The following KCNJ15 variants were observed in gnomAD, a reference collection of about 807,000 sequenced individuals.
The protein encoded by KCNJ15 is potassium inwardly rectifying channel subfamily J member 15.
Under a neutral mutation model 23.0 loss-of-function variants are expected in KCNJ15, and 14 were observed. The ratio of observed to expected loss-of-function variants is 0.61; its 90% CI spans 0.40 to 0.95. KCNJ15 has a LOEUF of 0.95. Among genes scored for constraint, KCNJ15 ranks in the 40% least tolerant of loss-of-function variants. The pLI is 0.00. For missense variants in KCNJ15, 388 were observed against 461.8 expected (o/e 0.84, Z 1.46); for synonymous variants, 185 against 183.2 (o/e 1.01, Z -0.08).
chr21:38,261,677 A>T (rs1257252047), intron 1 of KCNJ15, among the ~76,000 whole-genome samples: 2 of 152,212 alleles, frequency 1.3e-5, no homozygotes, highest in African/African-American at 4.8e-5. Context: ...CAAGGGTAAG[A>T]TGCTATCAAA....
At chr21:38,238,474 G>A (rs775621863) in intron 1 of KCNJ15, 2 of 657,068 alleles carry the variant, frequency 3.0e-6, no homozygotes, top group Non-Finnish European at 5.8e-6. Context: ...TCCACAGATG[G>A]TGATCTGCCT....
intron 1 of KCNJ15, among the ~76,000 whole-genome samples, chr21:38,278,700 G>A (rs1160526595): frequency 1.3e-5 from 2 of 152,188 alleles, no homozygotes. Context: ...GCCAAGACAG[G>A]AGGTGGGCTT....
At chr21:38,236,684 G>T (rs544493427) in intron 1 of KCNJ15, among the ~76,000 whole-genome samples, 1 of 152,064 alleles carries the variant, frequency 6.6e-6, no homozygotes, top group Non-Finnish European at 1.5e-5. Context: ...TTCCCCTAAC[G>T]TTTCACCCAA....
At chr21:38,238,425 G>A (rs1978765331) in intron 1 of KCNJ15, 3 of 680,564 alleles carry the variant, frequency 4.4e-6, no homozygotes, top group Middle Eastern at 3.1e-4. Context: ...CAGGGTGGAC[G>A]CACTGCACCA....
chr21:38,283,955 G>T (rs373773000), intron 1 of KCNJ15, among the ~76,000 whole-genome samples: 10 of 152,174 alleles, frequency 6.6e-5, no homozygotes, highest in African/African-American at 1.9e-4. Context: ...GGCTCAGTCT[G>T]GGTTGCTGCT....
chr21:38,274,152 G>A lies in KCNJ15; in HGVS notation c.-117+16967G>A, dbSNP rs115767945. Among the ~76,000 whole-genome samples the A allele has an allele frequency of 6.8e-3, 1,043 of 152,288 alleles. 8 individuals are homozygous for A. Among genetic ancestry groups the A allele is most frequent in the African/African-American group, 0.022 (923 of 41,558 alleles). ...TGCAGCAGTGCTTGCAGGCTGTTCC[G>A]CCTGGGCAAAGTCATGTTAGGTGTA... On this transcript the variant is annotated intron_variant, in intron 1 of 2. Transcript: ENST00000398938.
intron 1 of KCNJ15, among the ~76,000 whole-genome samples, chr21:38,247,166 G>C (rs532047821): frequency 1.7e-5 from 2 of 120,796 alleles, no homozygotes; most frequent in Non-Finnish European, 3.4e-5. Context: ...GGATGTATAG[G>C]TATATGGATG....
intron 1 of KCNJ15, among the ~76,000 whole-genome samples, chr21:38,242,905 C>T (rs75911043): frequency 3.9e-5 from 6 of 152,170 alleles, no homozygotes; most frequent in Non-Finnish European, 8.8e-5. Context: ...GGAAGGGTGC[C>T]GGGCCCACTG....
At chr21:38,275,003 T>C (rs1469579932) in intron 1 of KCNJ15, among the ~76,000 whole-genome samples, 2 of 152,172 alleles carry the variant, frequency 1.3e-5, no homozygotes, top group Admixed American at 6.5e-5. Flanking sequence ...ATGGACATGC[T>C]TGGAGCCAAC....
chr21:38,275,184 T>C (rs1312978056), intron 1 of KCNJ15, among the ~76,000 whole-genome samples: 1 of 152,192 alleles, frequency 6.6e-6, no homozygotes, highest in Non-Finnish European at 1.5e-5. Context: ...TGAATTCATG[T>C]ATTACTTAGA....
chr21:38,271,874 T>C (rs1016798803), intron 1 of KCNJ15, among the ~76,000 whole-genome samples: 3 of 152,196 alleles, frequency 2.0e-5, no homozygotes, highest in African/African-American at 7.2e-5. Flanking sequence ...CCCACTGTCA[T>C]GGGAAGCTGC....
intron 2 of KCNJ15, among the ~76,000 whole-genome samples, chr21:38,297,913 G>C (rs1219518270): frequency 5.3e-5 from 8 of 152,184 alleles, no homozygotes; most frequent in Non-Finnish European, 1.2e-4. Context: ...ACAGGTGTTT[G>C]CTGCTAATGG....
At position 38,232,201 on chromosome 21, in the gene KCNJ15, G is replaced by A. The variant is rs575613150; in HGVS notation, c.-398-24845G>A. ...AGTTGCAGTGGTTTATGTGTTTTTA[G>A]AAATTTGTCCATTTCATTTATGTCC... On this transcript the variant is annotated intron_variant, in intron 1 of 4. Transcript: ENST00000547341. Among the ~76,000 whole-genome samples, 8 of 150,630 alleles carry A rather than the reference G, an allele frequency of 5.3e-5. No individual in the cohort carries two copies. In the South Asian group the frequency reaches 8.5e-4, roughly 16 times the overall value.
Position 38,274,818 on chromosome 21 carries a change from C to A in KCNJ15, c.-117+17633C>A, listed in dbSNP as rs548321939. Among the ~76,000 whole-genome samples, 15 of 152,066 alleles carry A rather than the reference C, an allele frequency of 9.9e-5. No homozygotes were observed. In the South Asian group the frequency reaches 2.9e-3, roughly 30 times the overall value. On this transcript the variant is annotated intron_variant, in intron 1 of 2. Coordinates refer to ENST00000398938, the MANE Select transcript of KCNJ15 (RefSeq NM_170736.3). ...TTCTCCAGTTCTTTTGCTGGAAAAT[C>A]CTCTCCTCTTCTCTTTAATACAGGC...
chr21:38,238,082 CA>C, intron 1 of KCNJ15: 1 of 321,486 alleles, frequency 3.1e-6, no homozygotes, highest in Non-Finnish European at 6.1e-6. Context: ...AGTGGGTGCC[CA>C]AGGGAGGCAG....
At chr21:38,285,540 A>T (rs909392915) in intron 1 of KCNJ15, 2 of 151,806 alleles carry the variant, frequency 1.3e-5, no homozygotes, top group Non-Finnish European at 2.9e-5. Context: ...GAATTGTTTA[A>T]TTTTTTTTAA....
At chr21:38,289,438 A>G (rs1387523897) in intron 1 of KCNJ15, among the ~76,000 whole-genome samples, 1 of 152,094 alleles carries the variant, frequency 6.6e-6, no homozygotes, top group East Asian at 1.9e-4. Flanking sequence ...CTCTTTCCTA[A>G]GGAGAAAATT....
rs1009523894 is a variant in KCNJ15 at position 38,301,134 on chromosome 21, A to C, written c.*745A>C. The C allele has an allele frequency of 1.6e-4, 26 of 167,118 alleles. 1 individual carries two copies. Among genetic ancestry groups the C allele is most frequent in the African/African-American group, 6.3e-4 (26 of 41,448 alleles). 10.4% of individuals were successfully genotyped at this position (167,118 alleles called of 1,614,324 possible). On this transcript the variant is annotated 3_prime_UTR_variant, in exon 3 of 3. Coordinates refer to ENST00000398938, the MANE Select transcript of KCNJ15 (RefSeq NM_170736.3). ...ATGTGGTTCACAGACCCGCCACATC[A>C]GCACCATCCGAGAGCTTATTAGTAA...
Position 38,305,249 on chromosome 21 carries a change from T to A in KCNJ15, c.*4860T>A, listed in dbSNP as rs1986019026. 6.6e-6 allele frequency: 1 copy of A among 152,186 alleles called. No individual in the cohort carries two copies. Among genetic ancestry groups the A allele is most frequent in the Non-Finnish European group, 1.5e-5 (1 of 68,038 alleles). The allele number at this position is 152,186 out of a possible 1,614,324, so 9.4% of individuals were successfully genotyped here. On this transcript the variant is annotated 3_prime_UTR_variant, in exon 3 of 3. Coordinates refer to ENST00000398938, the MANE Select transcript of KCNJ15 (RefSeq NM_170736.3). ...GTTGACTGTTTCTTCATATTTGCTG[T>A]TCATTCTATAAAGTCAAATAGATTG...
Sources: allele counts gnomAD v4.1 joint callset (sites outside exome capture counted in the v4.1 genomes callset), GRCh38; gene constraint gnomAD v4.1.1; transcripts MANE v1.5; gene names NCBI Gene and HGNC (gene_info 2026-07-23, HGNC 2026-07-21).